The following PCDH15 variants were observed in gnomAD, a reference collection of about 807,000 sequenced individuals.
The protein encoded by PCDH15 is protocadherin-15.
A neutral mutation model predicts 178.5 loss-of-function variants in PCDH15; 129 were observed. That is an observed-to-expected ratio of 0.72 (90% CI 0.63 to 0.84). The LOEUF (loss-of-function observed/expected upper bound fraction) is 0.84. Ranked by LOEUF, PCDH15 falls within the 40% of genes least tolerant of loss-of-function variation. The pLI is 0.00. For missense variants in PCDH15, 2,230 were observed against 2,099.9 expected, an observed-to-expected ratio of 1.06 and a Z score of -1.21; for synonymous variants, 800 against 732.0, an observed-to-expected ratio of 1.09 and a Z score of -1.50.
intron 16 of PCDH15, among the ~76,000 whole-genome samples, chr10:54,083,799 A>G (rs61858410): frequency 0.25 from 37,647 of 152,124 alleles, 4,962 homozygotes; most frequent in Admixed American, 0.3. Flanking sequence ...TGCCTCAATT[A>G]TATAAATTAT....
intron 3 of PCDH15, among the ~76,000 whole-genome samples, chr10:54,383,461 G>T (rs1245080991): frequency 6.6e-6 from 1 of 152,064 alleles, no homozygotes; most frequent in Non-Finnish European, 1.5e-5. Context: ...TGGACTAAGA[G>T]ATAAAATAGA....
intron 3 of PCDH15, among the ~76,000 whole-genome samples, chr10:54,523,925 T>A (rs1000498418): frequency 6.6e-6 from 1 of 152,102 alleles, no homozygotes; most frequent in Non-Finnish European, 1.5e-5. Flanking sequence ...AGACAGGGAA[T>A]GGTAAAATCT....
At chr10:54,719,363 G>A (rs1591263998) in intron 1 of PCDH15, among the ~76,000 whole-genome samples, 1 of 151,876 alleles carries the variant, frequency 6.6e-6, no homozygotes, top group East Asian at 1.9e-4. Context: ...GAGAAACATA[G>A]GATTATGTAG....
chr10:55,352,482 GA>G (rs1290792415), intron 2 of PCDH15, among the ~76,000 whole-genome samples: 1 of 152,136 alleles, frequency 6.6e-6, no homozygotes, highest in African/African-American at 2.4e-5. Flanking sequence ...CCAGCCATCA[GA>G]AGTTGACAAT....
chr10:53,808,797 A>AGACT (rs770868037), intron 37 of PCDH15: 1 of 1,612,114 alleles, frequency 6.2e-7, no homozygotes, highest in Non-Finnish European at 8.5e-7. Context: ...ATGGACCTCC[A>AGACT]GACTGACTTT....
intron 21 of PCDH15, among the ~76,000 whole-genome samples, chr10:53,980,197 G>T (rs1442924126): frequency 6.7e-5 from 10 of 149,762 alleles, no homozygotes; most frequent in South Asian, 2.1e-4. Flanking sequence ...CTCCAGCCTG[G>T]GTGACAGAGT....
intron 2 of PCDH15, among the ~76,000 whole-genome samples, chr10:55,489,745 G>C (rs901338192): frequency 2.6e-5 from 4 of 151,566 alleles, no homozygotes; most frequent in Non-Finnish European, 5.9e-5. Context: ...ATACTGGCTT[G>C]GGTAGTAAAT....
intron 8 of PCDH15, among the ~76,000 whole-genome samples, chr10:54,258,460 C>CAAGT (rs2057078131): frequency 6.6e-6 from 1 of 152,058 alleles, no homozygotes; most frequent in South Asian, 2.1e-4. Context: ...GTGATTGCTT[C>CAAGT]GACTGGAGAA....
chr10:55,456,335 T>A (rs1377764028), intron 2 of PCDH15, among the ~76,000 whole-genome samples: 3 of 152,110 alleles, frequency 2.0e-5, no homozygotes, highest in Non-Finnish European at 4.4e-5. Context: ...AAGTTATCTC[T>A]TTGCTTTTTG....
rs751060011 is a variant in PCDH15, at chr10:54,527,859, C to T, written c.110G>A (p.Gly37Glu). ...AGCAACTATGGTAGCTGGTGGTCCT[C>T]CCCTAGCTAGTTTGCAATCTAAAGA... The part of the protein sequence containing the change: ...QYDDDCKLAR[G>E]GPPATIVAID... The change falls in exon 3 of 38, where the codon GGA (glycine) becomes GAA (glutamate). Residue 37 changes from glycine to glutamate, a missense_variant. By Grantham distance (98) the Gly-to-Glu change is moderately conservative. Transcript: ENST00000644397. 6.2e-7 allele frequency: 1 copy of T among 1,612,190 alleles called. No homozygotes were observed. The highest frequency in any genetic ancestry group is 8.5e-7 in the Non-Finnish European group (1 of 1,178,638).
chr10:54,405,199 A>G (rs1952488953), intron 3 of PCDH15, among the ~76,000 whole-genome samples: 1 of 152,164 alleles, frequency 6.6e-6, no homozygotes, highest in South Asian at 2.1e-4. Context: ...AGATACATGC[A>G]TGTAAATGTT....
chr10:54,619,071 C>T (rs144315334), intron 2 of PCDH15: 1 of 152,054 alleles, frequency 6.6e-6, no homozygotes, highest in East Asian at 1.9e-4. Flanking sequence ...AAAGGAAAGT[C>T]AAACACTGAT....
Position 54,947,538 on chromosome 10 carries a change from G to T in PCDH15, c.-79-50038C>A, listed in dbSNP as rs537909936. ...ATTTCTTAAACCCAGATTTTCTGAA[G>T]CCAAAGCCTAAATTAAACCATCTCC... is the stretch of plus-strand genomic sequence containing the variant. On this transcript the variant is annotated intron_variant, in intron 2 of 5. Coordinates refer to the PCDH15 transcript ENST00000458638. Among the ~76,000 whole-genome samples, 20 of 151,926 alleles carry T rather than the reference G, an allele frequency of 1.3e-4. No homozygotes were observed. The South Asian group carries it at 4.1e-3, about 31-fold the overall frequency.
intron 3 of PCDH15, among the ~76,000 whole-genome samples, chr10:54,402,990 C>A (rs1029832124): frequency 6.6e-6 from 1 of 151,966 alleles, no homozygotes; most frequent in Admixed American, 6.6e-5. Flanking sequence ...ATAGGCTGAA[C>A]GCTAGACATC....
At chr10:55,262,646 C>T (rs1157356410) in intron 1 of PCDH15, among the ~76,000 whole-genome samples, 2 of 152,062 alleles carry the variant, frequency 1.3e-5, no homozygotes, top group Admixed American at 6.6e-5. Context: ...CTGAGCAGCC[C>T]GACTCCAGGG....
intron 1 of PCDH15, among the ~76,000 whole-genome samples, chr10:55,182,523 G>T (rs749224741): frequency 2.6e-5 from 4 of 151,914 alleles, no homozygotes; most frequent in Non-Finnish European, 5.9e-5. Flanking sequence ...TTACCTATCA[G>T]TCCTTACTTT....
chr10:54,459,596 C>T (rs762093757), intron 3 of PCDH15, among the ~76,000 whole-genome samples: 1 of 151,804 alleles, frequency 6.6e-6, no homozygotes, highest in Non-Finnish European at 1.5e-5. Flanking sequence ...GACGTGAAGT[C>T]AGTGTTTTAT....
intron 35 of PCDH15, among the ~76,000 whole-genome samples, chr10:53,812,035 A>T (rs2075884234): frequency 6.6e-6 from 1 of 151,848 alleles, no homozygotes; most frequent in Non-Finnish European, 1.5e-5. Flanking sequence ...TATCTACAGC[A>T]TTTTTTTTCA....
At chr10:54,859,275 A>G (rs79943638) in intron 3 of PCDH15, among the ~76,000 whole-genome samples, 139 of 152,200 alleles carry the variant, frequency 9.1e-4, no homozygotes, top group African/African-American at 3.3e-3. Flanking sequence ...AAATCTAACT[A>G]GTAATAGTTC....
Sources: gnomAD v4.1 joint callset for allele counts (sites outside exome capture counted in the v4.1 genomes callset) on GRCh38, gnomAD v4.1.1 for gene constraint, MANE v1.5 for transcripts, NCBI Gene and HGNC (gene_info 2026-07-23, HGNC 2026-07-21) for gene names.